Variants in SV2C observed in about 807,000 individuals in gnomAD.
SV2C encodes the protein synaptic vesicle glycoprotein 2C.
In SV2C, 49 loss-of-function variants were observed where a neutral mutation model predicts 79.7. That is an observed-to-expected ratio of 0.61 (90% CI 0.49 to 0.78). The LOEUF (loss-of-function observed/expected upper bound fraction) is 0.78. SV2C is among the 30% of genes least tolerant of loss of function. The pLI, the probability that SV2C is intolerant of heterozygous loss-of-function variation, is 0.00. For missense variants in SV2C, 833 were observed against 912.9 expected (o/e 0.91, Z 1.13); for synonymous variants, 334 against 333.2 (o/e 1.00, Z -0.03).
intron 1 of SV2C, among the ~76,000 whole-genome samples, chr5:76,116,584 G>A (rs1748274655): frequency 6.6e-6 from 1 of 152,142 alleles, no homozygotes; most frequent in Admixed American, 6.5e-5. Context: ...TCCAGTGAAA[G>A]AGGCAGAACT....
At chr5:76,317,273 T>A (rs1353994086) in intron 12 of SV2C, among the ~76,000 whole-genome samples, 2 of 152,182 alleles carry the variant, frequency 1.3e-5, no homozygotes, top group South Asian at 2.1e-4. Context: ...TCCAGATGAA[T>A]CTTTAGATCA....
At chr5:76,046,605 C>T in the SV2C span, among the ~76,000 whole-genome samples, 2 of 152,140 alleles carry the variant, frequency 1.3e-5, no homozygotes, top group African/African-American at 2.4e-5. Flanking sequence ...AACTGCATTC[C>T]ACAGCACTAC....
At chr5:76,289,928 G>A (rs955224631) in intron 6 of SV2C, among the ~76,000 whole-genome samples, 14 of 151,260 alleles carry the variant, frequency 9.3e-5, no homozygotes, top group African/African-American at 3.2e-4. Flanking sequence ...ACTTTTTTTC[G>A]TTTTGTATGG....
At chr5:75,901,159 C>G in the SV2C span, among the ~76,000 whole-genome samples, 1 of 152,204 alleles carries the variant, frequency 6.6e-6, no homozygotes, top group Non-Finnish European at 1.5e-5. Context: ...AGGAGAGTCG[C>G]TCTGCTTTTT....
At chr5:76,297,152 A>G (rs1393887495) in intron 9 of SV2C, among the ~76,000 whole-genome samples, 1 of 152,216 alleles carries the variant, frequency 6.6e-6, no homozygotes, top group Non-Finnish European at 1.5e-5. Context: ...TGTAAAACAT[A>G]TGTTACACAT....
At chr5:76,300,450 T>C (rs1471708041) in intron 10 of SV2C, among the ~76,000 whole-genome samples, 1 of 152,174 alleles carries the variant, frequency 6.6e-6, no homozygotes, top group African/African-American at 2.4e-5. Flanking sequence ...TAATTAGCAA[T>C]GGCCGACCAT....
the SV2C span, among the ~76,000 whole-genome samples, chr5:76,001,529 G>A: frequency 6.6e-6 from 1 of 151,912 alleles, no homozygotes; most frequent in South Asian, 2.1e-4. Context: ...GTGAACCCGG[G>A]AGGTGGAGCT....
At chr5:76,298,713 T>C (rs149020165) in intron 9 of SV2C, 81 bp from the exon 10 acceptor site, 2 of 1,515,892 alleles carry the variant, frequency 1.3e-6, no homozygotes, top group Admixed American at 1.8e-5. Context: ...GGGCATTCCA[T>C]CTCTAAAACT....
the SV2C span, among the ~76,000 whole-genome samples, chr5:75,867,030 T>C: frequency 3.9e-5 from 6 of 152,168 alleles, no homozygotes; most frequent in African/African-American, 1.4e-4. Context: ...TCTGTGTCAA[T>C]GCAGGGCAGC....
intron 4 of SV2C, among the ~76,000 whole-genome samples, chr5:76,248,623 ATT>A (rs369098544): frequency 2.8e-5 from 4 of 143,374 alleles, no homozygotes; most frequent in Admixed American, 6.9e-5. Context: ...GTGCTCAGTG[ATT>A]TTTTTTTTTT....
the SV2C span, among the ~76,000 whole-genome samples, chr5:76,014,262 A>G: frequency 1.4e-5 from 2 of 140,376 alleles, no homozygotes; most frequent in African/African-American, 2.8e-5. Context: ...AAAGGAAAGA[A>G]AGAAGGAAAG....
chr5:76,325,648 C>A lies in SV2C; in HGVS notation c.*101C>A. On this transcript the variant is annotated 3_prime_UTR_variant, in exon 13 of 13. Coordinates refer to ENST00000502798, the MANE Select transcript of SV2C (RefSeq NM_014979.4). ...GAGTTTTCCTATATAGAAAGGTGAT[C>A]AAGTATCAGAACATAAACACGTGCT... The A allele has an allele frequency of 6.7e-7, 1 of 1,495,160 alleles. No homozygotes were observed. The highest frequency in any genetic ancestry group is 9.0e-7 in the Non-Finnish European group (1 of 1,115,964). The allele number at this position is 1,495,160 out of a possible 1,614,324, so 92.6% of individuals were successfully genotyped here. A position where few individuals can be genotyped will look rare whatever the true frequency, so the allele number is the denominator to read the frequency against.
At chr5:76,284,406 C>T (rs987503333) in intron 4 of SV2C, among the ~76,000 whole-genome samples, 6 of 152,110 alleles carry the variant, frequency 3.9e-5, no homozygotes, top group African/African-American at 1.4e-4. Context: ...TTGTACTGGT[C>T]AGGGTGCCAG....
chr5:76,055,050 G>A, the SV2C span, among the ~76,000 whole-genome samples: 1,623 of 152,214 alleles, frequency 0.011, 35 homozygotes, highest in African/African-American at 0.037. Context: ...TGCTTTTGGT[G>A]TTTTCATCAT....
chr5:76,232,212 G>C (rs1217405904), intron 4 of SV2C, among the ~76,000 whole-genome samples: 17 of 145,858 alleles, frequency 1.2e-4, no homozygotes, highest in African/African-American at 4.5e-4. Flanking sequence ...TTTTTCATGT[G>C]TTTTTTGGCT....
the SV2C span, among the ~76,000 whole-genome samples, chr5:75,854,222 G>C: frequency 6.6e-6 from 1 of 151,728 alleles, no homozygotes; most frequent in Non-Finnish European, 1.5e-5. Context: ...TCTTTTTATT[G>C]CTGAGTAGCA....
At chr5:75,948,928 G>C in the SV2C span, among the ~76,000 whole-genome samples, 1 of 151,948 alleles carries the variant, frequency 6.6e-6, no homozygotes, top group Non-Finnish European at 1.5e-5. Flanking sequence ...GACTGATAGA[G>C]CTTGGATATT....
At chr5:76,161,365 G>T (rs979260467) in intron 2 of SV2C, among the ~76,000 whole-genome samples, 1 of 152,146 alleles carries the variant, frequency 6.6e-6, no homozygotes, top group Non-Finnish European at 1.5e-5. Flanking sequence ...TTAGGGATGC[G>T]GTGGATGAGA....
the SV2C span, among the ~76,000 whole-genome samples, chr5:76,015,471 G>A: frequency 6.6e-6 from 1 of 152,126 alleles, no homozygotes; most frequent in Non-Finnish European, 1.5e-5. Flanking sequence ...CAATGCCACT[G>A]CATCTTGCCT....
Sources: allele counts gnomAD v4.1 joint callset (sites outside exome capture counted in the v4.1 genomes callset), GRCh38; gene constraint gnomAD v4.1.1; transcripts MANE v1.5; gene names NCBI Gene and HGNC (gene_info 2026-07-23, HGNC 2026-07-21).